The following ERC2 variants were observed in gnomAD, a reference collection of about 807,000 sequenced individuals.
The protein encoded by ERC2 is ELKS/RAB6-interacting/CAST family member 2, also known as ERC protein 2.
In ERC2, 42 loss-of-function variants were observed where a neutral mutation model predicts 114.8. The observed-to-expected ratio is 0.37, with a 90% confidence interval of 0.29 to 0.47. The LOEUF is 0.47. Among genes scored for constraint, ERC2 ranks in the 20% least tolerant of loss-of-function variants. ERC2 has a pLI of 0.99. For missense variants in ERC2, 939 were observed against 1,150.7 expected (o/e 0.82, Z 2.66); for synonymous variants, 454 against 425.5 (o/e 1.07, Z -0.82).
intron 15 of ERC2, among the ~76,000 whole-genome samples, chr3:55,718,859 T>C (rs906616768): frequency 1.8e-4 from 28 of 152,232 alleles, no homozygotes; most frequent in African/African-American, 6.5e-4. Context: ...ATTTCAAAAA[T>C]CAAATATTCT....
intron 3 of ERC2, among the ~76,000 whole-genome samples, chr3:56,286,617 CA>C (rs1282754618): frequency 6.6e-6 from 1 of 151,994 alleles, no homozygotes; most frequent in Non-Finnish European, 1.5e-5. Flanking sequence ...TTATCTAATT[CA>C]GGGGTCAGCA....
rs145042035 is a variant in ERC2 at position 56,282,056 on chromosome 3, A to G, written c.1074+13963T>C. On this transcript the variant is annotated intron_variant, in intron 3 of 17. Coordinates refer to ENST00000288221, the MANE Select transcript of ERC2 (RefSeq NM_015576.3). The stretch of plus-strand genomic sequence containing the variant: ...GATATTTGCTGAGCCAAGCCTGTGC[A>G]AAGTGCTTTGCATAGGTCATGTCAC... Among the ~76,000 whole-genome samples the G allele has an allele frequency of 1.5e-3, 228 of 152,322 alleles. 1 individual carries two copies. The highest frequency in any genetic ancestry group is 8.8e-3 in the Admixed American group (134 of 15,310).
At chr3:55,813,587 G>A (rs1351673047) in intron 14 of ERC2, among the ~76,000 whole-genome samples, 18 of 152,186 alleles carry the variant, frequency 1.2e-4, no homozygotes, top group Non-Finnish European at 2.9e-5. Flanking sequence ...CACTGAGCTG[G>A]AAAGGTACAA....
chr3:56,354,609 A>C (rs2058674912), intron 2 of ERC2, among the ~76,000 whole-genome samples: 1 of 152,164 alleles, frequency 6.6e-6, no homozygotes, highest in East Asian at 1.9e-4. Flanking sequence ...TACTTCTCTC[A>C]TACATATTTG....
chr3:55,742,546 A>G (rs1477771895), intron 14 of ERC2, among the ~76,000 whole-genome samples: 1 of 152,242 alleles, frequency 6.6e-6, no homozygotes, highest in Non-Finnish European at 1.5e-5. Context: ...ATAATGACAT[A>G]TAAGAGAAAG....
At chr3:56,440,348 C>A (rs2062233180) in intron 1 of ERC2, among the ~76,000 whole-genome samples, 2 of 152,068 alleles carry the variant, frequency 1.3e-5, no homozygotes, top group Admixed American at 6.6e-5. Flanking sequence ...TCGAGACCAT[C>A]CTGGCTAACA....
intron 14 of ERC2, among the ~76,000 whole-genome samples, chr3:55,815,477 T>C (rs942239937): frequency 6.6e-6 from 1 of 152,128 alleles, no homozygotes; most frequent in Non-Finnish European, 1.5e-5. Flanking sequence ...ATTGCTGAGT[T>C]GAAAATGGAG....
intron 1 of ERC2, among the ~76,000 whole-genome samples, chr3:56,437,616 T>C (rs570671818): frequency 7.2e-5 from 11 of 152,222 alleles, no homozygotes; most frequent in Non-Finnish European, 1.6e-4. Flanking sequence ...TGTTTCTAAC[T>C]AAAGAACTTC....
intron 14 of ERC2, among the ~76,000 whole-genome samples, chr3:55,772,438 C>T (rs1377941967): frequency 6.6e-6 from 1 of 152,232 alleles, no homozygotes; most frequent in African/African-American, 2.4e-5. Flanking sequence ...CCTCAGCCCC[C>T]TGAGTACCTG....
At chr3:55,834,965 C>T (rs1352782187) in intron 14 of ERC2, among the ~76,000 whole-genome samples, 24 of 150,834 alleles carry the variant, frequency 1.6e-4, no homozygotes, top group African/African-American at 5.9e-4. Context: ...GAGAATACTA[C>T]AAACACCTCT....
chr3:56,368,891 T>C (rs757125266), intron 2 of ERC2, among the ~76,000 whole-genome samples: 28 of 152,242 alleles, frequency 1.8e-4, no homozygotes, highest in Non-Finnish European at 2.9e-4. Flanking sequence ...GCAATAAATA[T>C]AGCAGTGAAA....
intron 16 of ERC2, among the ~76,000 whole-genome samples, 178 bp from the exon 17 acceptor site, chr3:55,684,037 G>A (rs2062197408): frequency 6.6e-6 from 1 of 152,020 alleles, no homozygotes; most frequent in South Asian, 2.1e-4. Context: ...TCACCGACTT[G>A]TCAAATACAT....
rs58831473 is a variant in ERC2, at chr3:56,204,922, C to CTGTGTG, written c.1075-31408_1075-31403dup. 3.2e-3 allele frequency among the ~76,000 whole-genome samples: 474 copies of CTGTGTG among 150,038 alleles called. 1 individual carries two copies. The highest frequency in any genetic ancestry group is 0.016 in the South Asian group (77 of 4,732). On this transcript the variant is annotated intron_variant, in intron 3 of 17. Transcript: ENST00000288221. ...TTTTTTTTTTAACCATGGGACGTGTCTGTGTGTGTGTGTGTGTGTGTGTGT... is the reference window on the plus strand; with the variant it reads ...TTTTTTTTTTAACCATGGGACGTGTCTGTGTGTGTGTGTGTGTGTGTGTGTGTGTGT...
At chr3:55,746,078 A>G (rs1358053321) in intron 14 of ERC2, among the ~76,000 whole-genome samples, 1 of 152,166 alleles carries the variant, frequency 6.6e-6, no homozygotes, top group Non-Finnish European at 1.5e-5. Context: ...TCCATTGTTT[A>G]TGTTTACATG....
chr3:56,186,907 C>G (rs2150058857), intron 3 of ERC2, among the ~76,000 whole-genome samples: 1 of 152,306 alleles, frequency 6.6e-6, no homozygotes, highest in South Asian at 2.1e-4. Context: ...TTACCTTAGT[C>G]TACTTCTATA....
At chr3:55,826,001 AGGAG>A (rs549199159) in intron 14 of ERC2, among the ~76,000 whole-genome samples, 107 of 141,966 alleles carry the variant, frequency 7.5e-4, no homozygotes, top group African/African-American at 1.6e-3. Flanking sequence ...GAGGGAGGGA[AGGAG>A]GGAGGGAGGG....
At chr3:56,077,906 C>T (rs1485326080) in intron 7 of ERC2, among the ~76,000 whole-genome samples, 1 of 152,150 alleles carries the variant, frequency 6.6e-6, no homozygotes, top group African/African-American at 2.4e-5. Context: ...AGTAAGTAAA[C>T]AGTGCATGTA....
chr3:55,790,896 G>C (rs774981947), intron 14 of ERC2, among the ~76,000 whole-genome samples: 2 of 152,198 alleles, frequency 1.3e-5, no homozygotes, highest in African/African-American at 4.8e-5. Flanking sequence ...GCTCAGCAAA[G>C]AGCTTCGGCT....
intron 3 of ERC2, among the ~76,000 whole-genome samples, chr3:56,272,385 G>T (rs900062488): frequency 6.6e-6 from 1 of 152,180 alleles, no homozygotes; most frequent in Non-Finnish European, 1.5e-5. Flanking sequence ...GCCTAAATAG[G>T]CCAGGTTGAA....
Sources: allele counts gnomAD v4.1 joint callset (sites outside exome capture counted in the v4.1 genomes callset), GRCh38; gene constraint gnomAD v4.1.1; transcripts MANE v1.5; gene names NCBI Gene and HGNC (gene_info 2026-07-23, HGNC 2026-07-21).